ZNF197: variants seen among roughly 807,000 people sequenced by gnomAD.
The protein encoded by ZNF197 is VHL-associated KRAB-A domain-containing protein.
Under a neutral mutation model 27.4 loss-of-function variants are expected in ZNF197, and 14 were observed. The observed-to-expected ratio is 0.51, with a 90% CI of 0.34 to 0.80. The LOEUF is 0.80. Among genes scored for constraint, ZNF197 ranks in the 30% least tolerant of loss-of-function variants. The probability of loss-of-function intolerance (pLI) is 0.02; values close to 1 mark genes in which losing one functional copy is unlikely to be tolerated. For synonymous variants in ZNF197, 415 were observed against 420.0 expected, an observed-to-expected ratio of 0.99 and a Z score of 0.15; for missense variants, 1,090 against 1,222.6, an observed-to-expected ratio of 0.89 and a Z score of 1.62.
intron 5 of ZNF197, among the ~76,000 whole-genome samples, chr3:44,635,204 C>A: frequency 6.7e-6 from 1 of 149,832 alleles, no homozygotes; most frequent in Admixed American, 6.7e-5. Flanking sequence ...AATGTAATTG[C>A]TTGATTATTC....
rs1285266299 is a variant in ZNF197, at chr3:44,644,338, A to G, written c.*118A>G. 2.1e-6 allele frequency: 3 copies of G among 1,431,132 alleles called. No individual in the cohort carries two copies. The highest frequency in any genetic ancestry group is 2.7e-6 in the Non-Finnish European group (3 of 1,099,278). 88.7% of individuals were successfully genotyped at this position (1,431,132 alleles called of 1,614,324 possible). A position where few individuals can be genotyped will look rare whatever the true frequency, so the allele number is the denominator to read the frequency against. On this transcript the variant is annotated 3_prime_UTR_variant, in exon 6 of 6. Transcript: ENST00000344387. ...ACTCTTTACTAGACAAATGAGTAGC[A>G]TATAGAAGAAAGTTAATAGGCCGGG...
At chr3:44,627,249 A>G (rs1202575197) in intron 1 of ZNF197, among the ~76,000 whole-genome samples, 1 of 152,246 alleles carries the variant, frequency 6.6e-6, no homozygotes, top group East Asian at 1.9e-4. Context: ...GGAAAAATGT[A>G]AAGTAAAGCC....
chr3:44,643,870 AATAAAAACCTTGTT>A lies in ZNF197; in HGVS notation c.2741_2754del (p.Asn914SerfsTer13), dbSNP rs1437269855. 3.7e-6 allele frequency: 6 copies of A among 1,613,686 alleles called. No individual in the cohort carries two copies. The South Asian group carries it at 5.5e-5, about 15-fold the overall frequency. The stretch of plus-strand genomic sequence containing the variant: ...TGAGTGTGGAAAAGACTTTAGTCAG[AATAAAAACCTTGTT>A]GTACATCAGAGAATGCACACTGGGG... On this transcript the variant is annotated frameshift_variant, in exon 6 of 6. Coordinates refer to ENST00000344387, the MANE Select transcript of ZNF197 (RefSeq NM_006991.5). LOFTEE classifies it low-confidence loss of function (END_TRUNC).
In ZNF197 at chr3:44,645,606, TTTCCCTA is replaced by T. The variant is rs1348167822; in HGVS notation, c.*1390_*1396del. 2 of 985,304 alleles carry T rather than the reference TTTCCCTA, an allele frequency of 2.0e-6. No homozygotes were observed. Among genetic ancestry groups the T allele is most frequent in the African/African-American group, 3.5e-5 (2 of 57,234 alleles). The allele number at this position is 985,304 out of a possible 1,614,324, so 61.0% of individuals were successfully genotyped here. A position where few individuals can be genotyped will look rare whatever the true frequency, so the allele number is the denominator to read the frequency against. ...AAATGGAAGGGCAGTGGTACCCTGC[TTTCCCTA>T]TTCAGAGGGAAAAAAATCCTTGACC... On this transcript the variant is annotated 3_prime_UTR_variant, in exon 6 of 6. Transcript: ENST00000344387.
chr3:44,632,460 C>T lies in ZNF197; in HGVS notation c.643-13C>T. On this transcript the variant is annotated splice_polypyrimidine_tract_variant and intron_variant, in intron 4 of 5. Coordinates refer to ENST00000344387, the MANE Select transcript of ZNF197 (RefSeq NM_006991.5). ...CTGGGCATTGGTAATCTCACACACA[C>T]TTGTTATTTCAGGAGTTGGTGATGT... is the stretch of plus-strand genomic sequence containing the variant. The T allele has an allele frequency of 1.3e-6, 2 of 1,577,130 alleles. No homozygotes were observed. Among genetic ancestry groups the T allele is most frequent in the Middle Eastern group, 1.7e-4 (1 of 5,872 alleles).
At position 44,644,224 on chromosome 3, in the gene ZNF197, CAT is replaced by C; in HGVS notation, c.*7_*8del. On this transcript the variant is annotated 3_prime_UTR_variant, in exon 6 of 6. Coordinates refer to ENST00000344387, the MANE Select transcript of ZNF197 (RefSeq NM_006991.5). ...GATTGAGATTCAGAAAATCTAGTGTCATATGTAAAATGGAATAGAATCCCTGC... is the reference window on the plus strand; with the variant it reads ...GATTGAGATTCAGAAAATCTAGTGTCATGTAAAATGGAATAGAATCCCTGC... 6.3e-7 allele frequency: 1 copy of C among 1,575,474 alleles called. No individual in the cohort carries two copies. Among genetic ancestry groups the C allele is most frequent in the South Asian group, 1.2e-5 (1 of 83,952 alleles).
At position 44,629,213 on chromosome 3, in the gene ZNF197, A is replaced by C. The variant is rs1422517755; in HGVS notation, c.59A>C (p.Lys20Thr). The C allele has an allele frequency of 2.5e-6, 4 of 1,614,166 alleles. No homozygotes were observed. Among genetic ancestry groups the C allele is most frequent in the Non-Finnish European group, 3.4e-6 (4 of 1,180,002 alleles). ...AGACAAGAGGGCCTTGTGAAGGGGA[A>C]GGATGATACCTGGAAATGGGGAACC... Reference protein sequence around the residue: ...ALRQEGLVKGKDDTWKWGTSF... With the variant: ...ALRQEGLVKGTDDTWKWGTSF... Residue 20 changes from lysine (K) to threonine (T), a missense_variant, in exon 2 of 6, where the codon AAG becomes ACG. By Grantham distance (78) the Lys-to-Thr change is moderately conservative. Coordinates refer to ENST00000344387, the MANE Select transcript of ZNF197 (RefSeq NM_006991.5).
Position 44,632,197 on chromosome 3 carries a change from G to A in ZNF197, c.642+1G>A. The A allele has an allele frequency of 6.2e-7, 1 of 1,614,082 alleles. No homozygotes were observed. Among genetic ancestry groups the A allele is most frequent in the Non-Finnish European group, 8.5e-7 (1 of 1,179,968 alleles). On this transcript the variant is annotated splice_donor_variant, in intron 4 of 5. Coordinates refer to ENST00000344387, the MANE Select transcript of ZNF197 (RefSeq NM_006991.5). LOFTEE classifies it high-confidence loss of function. Reference sequence around the variant, plus strand: ...TATGCTCCTAACAGCCCAGCCCCAGGTAAGGTTTGCATCCTCTTTCCTTCC... The same window carrying A: ...TATGCTCCTAACAGCCCAGCCCCAGATAAGGTTTGCATCCTCTTTCCTTCC...
intron 5 of ZNF197, among the ~76,000 whole-genome samples, chr3:44,633,844 T>C (rs1053504010): frequency 6.6e-6 from 1 of 152,246 alleles, no homozygotes; most frequent in Non-Finnish European, 1.5e-5. Flanking sequence ...TTCTGTATTT[T>C]CTAATTGACT....
intron 1 of ZNF197, 25 bp from the exon 2 acceptor site, chr3:44,629,049 A>G: frequency 1.3e-6 from 2 of 1,492,370 alleles, no homozygotes; most frequent in Non-Finnish European, 1.8e-6. Context: ...GCTAACTTTA[A>G]CAATGATTTC....
intron 5 of ZNF197, 144 bp from the exon 6 acceptor site, chr3:44,641,756 T>TGGTCGCC: frequency 2.1e-6 from 2 of 945,118 alleles, no homozygotes; most frequent in South Asian, 2.0e-5. Context: ...CATTATTCTT[T>TGGTCGCC]GTACCTTCCT....
chr3:44,643,139 G>A lies in ZNF197; in HGVS notation c.2009G>A (p.Arg670Lys). ...AAGAAGAGCCTCATTTTACATCAAAGGTTCCACACTGGAGAGAATCTCTAT... is the reference window on the plus strand; with the variant it reads ...AAGAAGAGCCTCATTTTACATCAAAAGTTCCACACTGGAGAGAATCTCTAT... ...ILKKSLILHQ[R>K]FHTGENLYEC... Residue 670 changes from arginine (R) to lysine (K), a missense_variant, in exon 6 of 6, where the codon AGG becomes AAG. Transcript: ENST00000344387. 6.2e-7 allele frequency: 1 copy of A among 1,612,456 alleles called. No individual in the cohort carries two copies. Among genetic ancestry groups the A allele is most frequent in the African/African-American group, 1.3e-5 (1 of 74,792 alleles).
rs1702940402 is a variant in ZNF197 at position 44,646,085 on chromosome 3, G to A, written c.*1865G>A. The stretch of plus-strand genomic sequence containing the variant: ...GGCTGGTTCCTCATTAGAGTGAAAG[G>A]TAGCCAAGAGTGAAAACTGGAAGGG... On this transcript the variant is annotated 3_prime_UTR_variant, in exon 6 of 6. Coordinates refer to ENST00000344387, the MANE Select transcript of ZNF197 (RefSeq NM_006991.5). The A allele has an allele frequency of 3.0e-6, 3 of 985,206 alleles. No homozygotes were observed. Among genetic ancestry groups the A allele is most frequent in the Non-Finnish European group, 3.6e-6 (3 of 829,940 alleles). 61.0% of individuals were successfully genotyped at this position (985,206 alleles called of 1,614,324 possible).
Position 44,643,860 on chromosome 3 carries a change from C to T in ZNF197, c.2730C>T (p.Asp910=). ...KPYKCNECGK[D]FSQNKNLVVH... is the part of the protein sequence containing the mutation. ...ATAAATGTAATGAGTGTGGAAAAGA[C>T]TTTAGTCAGAATAAAAACCTTGTTG... Residue 910 remains aspartate, a synonymous_variant, in exon 6 of 6, where the codon GAC becomes GAT. Coordinates refer to ENST00000344387, the MANE Select transcript of ZNF197 (RefSeq NM_006991.5). 6.2e-7 allele frequency: 1 copy of T among 1,613,450 alleles called. No homozygotes were observed. The highest frequency in any genetic ancestry group is 1.1e-5 in the South Asian group (1 of 90,944).
Position 44,645,183 on chromosome 3 carries a change from G to T in ZNF197, c.*963G>T. On this transcript the variant is annotated 3_prime_UTR_variant, in exon 6 of 6. Coordinates refer to ENST00000344387, the MANE Select transcript of ZNF197 (RefSeq NM_006991.5). Reference sequence around the variant, plus strand: ...GTTGACATGATACCTACCTCACAGGGTTGTTGTGAGGGTTAAGTGAAAGGA... The same window carrying T: ...GTTGACATGATACCTACCTCACAGGTTTGTTGTGAGGGTTAAGTGAAAGGA... 1 of 966,490 alleles carries T rather than the reference G, an allele frequency of 1.0e-6. No homozygotes were observed. Among genetic ancestry groups the T allele is most frequent in the Non-Finnish European group, 1.2e-6 (1 of 812,686 alleles). The allele number at this position is 966,490 out of a possible 1,614,324, so 59.9% of individuals were successfully genotyped here.
chr3:44,633,101 A>G (rs964951414), intron 5 of ZNF197, among the ~76,000 whole-genome samples: 2 of 152,202 alleles, frequency 1.3e-5, no homozygotes, highest in African/African-American at 4.8e-5. Context: ...TACTTTCTGT[A>G]GCGATCCCTG....
intron 5 of ZNF197, among the ~76,000 whole-genome samples, chr3:44,639,336 A>G (rs1702472772): frequency 6.6e-6 from 1 of 152,142 alleles, no homozygotes; most frequent in African/African-American, 2.4e-5. Flanking sequence ...CTGGCTTCAT[A>G]GAATTAGTTG....
At position 44,644,451 on chromosome 3, in the gene ZNF197, C is replaced by T. The variant is rs1702833094; in HGVS notation, c.*231C>T. ...GTCAGGATTTTGAGACCAGCCTGAC[C>T]AACATGGTGAAACCCCATCTCTACT... On this transcript the variant is annotated 3_prime_UTR_variant, in exon 6 of 6. Coordinates refer to ENST00000344387, the MANE Select transcript of ZNF197 (RefSeq NM_006991.5). 5.7e-6 allele frequency: 6 copies of T among 1,047,236 alleles called. No homozygotes were observed. The highest frequency in any genetic ancestry group is 4.1e-5 in the Admixed American group (1 of 24,362). The allele number at this position is 1,047,236 out of a possible 1,614,324, so 64.9% of individuals were successfully genotyped here.
intron 5 of ZNF197, among the ~76,000 whole-genome samples, chr3:44,634,510 C>T (rs1347786534): frequency 4.0e-5 from 6 of 151,874 alleles, no homozygotes; most frequent in African/African-American, 4.8e-5. Context: ...AGTGCAGTGG[C>T]GTGATCTCAG....
Sources: gnomAD v4.1 joint callset for allele counts (sites outside exome capture counted in the v4.1 genomes callset) on GRCh38, gnomAD v4.1.1 for gene constraint, MANE v1.5 for transcripts, NCBI Gene and HGNC (gene_info 2026-07-23, HGNC 2026-07-21) for gene names.